ZNRF2: variants seen among roughly 807,000 people sequenced by gnomAD.
ZNRF2 encodes the protein zinc and ring finger 2, also known as E3 ubiquitin-protein ligase ZNRF2.
In ZNRF2, 16 loss-of-function variants were observed where a neutral mutation model predicts 20.4. That is an observed-to-expected ratio of 0.79 (90% CI 0.53 to 1.19). ZNRF2 has a LOEUF of 1.19. ZNRF2 is among the 50% of genes most tolerant of loss of function. The pLI, the probability that ZNRF2 is intolerant of heterozygous loss-of-function variation, is 0.00. For synonymous variants in ZNRF2, 178 were observed against 144.9 expected, an observed-to-expected ratio of 1.23 and a Z score of -1.64; for missense variants, 363 against 332.4, an observed-to-expected ratio of 1.09 and a Z score of -0.72.
At chr7:30,315,230 G>A (rs1799351271) in intron 1 of ZNRF2, among the ~76,000 whole-genome samples, 1 of 152,032 alleles carries the variant, frequency 6.6e-6, no homozygotes, top group Admixed American at 6.6e-5. Flanking sequence ...TTGGTGTTTT[G>A]TTTTGGTATT....
intron 2 of ZNRF2, among the ~76,000 whole-genome samples, chr7:30,348,454 C>A (rs989632912): frequency 7.2e-5 from 11 of 152,190 alleles, no homozygotes; most frequent in Admixed American, 4.6e-4. Context: ...ATAGAATTTA[C>A]CCTGTTTCTT....
At chr7:30,353,769 G>A (rs1799993448) in intron 2 of ZNRF2, among the ~76,000 whole-genome samples, 1 of 152,004 alleles carries the variant, frequency 6.6e-6, no homozygotes, top group African/African-American at 2.4e-5. Context: ...GGTATATAAA[G>A]CTAATGGTGC....
chr7:30,323,833 A>G (rs185387205), intron 2 of ZNRF2, 96 bp downstream of exon 2: 2 of 844,640 alleles, frequency 2.4e-6, no homozygotes, highest in Admixed American at 3.2e-5. Flanking sequence ...AGGGAAGGAC[A>G]TTGTTTTCTC....
Position 30,328,642 on chromosome 7 carries a change from A to T in ZNRF2, c.565+4905A>T, listed in dbSNP as rs138325962. On this transcript the variant is annotated intron_variant, in intron 2 of 4. Transcript: ENST00000323037. ...TAGAGTTTCAGACTCTTTGTCACAG[A>T]GATGATATTTGAAATATTGGTTTTT... Among the ~76,000 whole-genome samples, 7 of 152,324 alleles carry T rather than the reference A, an allele frequency of 4.6e-5. No homozygotes were observed. In the East Asian group the frequency reaches 1.4e-3, roughly 29 times the overall value.
chr7:30,299,940 C>T (rs140728307), intron 1 of ZNRF2, among the ~76,000 whole-genome samples: 92 of 150,440 alleles, frequency 6.1e-4, no homozygotes, highest in African/African-American at 2.0e-3. Flanking sequence ...CCACCACACC[C>T]GGCTAATTTT....
At chr7:30,354,627 T>C (rs141651822) in intron 2 of ZNRF2, among the ~76,000 whole-genome samples, 61 of 152,340 alleles carry the variant, frequency 4.0e-4, no homozygotes, top group African/African-American at 1.4e-3. Flanking sequence ...CTTTAGAAAA[T>C]GTCCCTGCCT....
intron 1 of ZNRF2, among the ~76,000 whole-genome samples, chr7:30,296,630 C>G (rs1799024289): frequency 6.6e-6 from 1 of 152,196 alleles, no homozygotes; most frequent in African/African-American, 2.4e-5. Context: ...AGCACTTCTT[C>G]AAAAACAGCA....
chr7:30,287,873 A>C (rs1403578559), intron 1 of ZNRF2, among the ~76,000 whole-genome samples: 3 of 152,152 alleles, frequency 2.0e-5, no homozygotes, highest in Non-Finnish European at 4.4e-5. Flanking sequence ...CACTGAAATA[A>C]TTTCCTGTGT....
chr7:30,303,772 C>T (rs1799155880), intron 1 of ZNRF2, among the ~76,000 whole-genome samples: 1 of 152,130 alleles, frequency 6.6e-6, no homozygotes, highest in South Asian at 2.1e-4. Context: ...TTTTGGGCCT[C>T]CCCCAGACTT....
intron 2 of ZNRF2, among the ~76,000 whole-genome samples, chr7:30,325,005 G>A (rs1047140762): frequency 9.2e-5 from 14 of 152,068 alleles, no homozygotes; most frequent in African/African-American, 2.7e-4. Flanking sequence ...GCTCTGGAGC[G>A]AACTGGTATT....
intron 4 of ZNRF2, among the ~76,000 whole-genome samples, chr7:30,365,031 C>T (rs998796426): frequency 1.3e-5 from 2 of 152,050 alleles, no homozygotes; most frequent in Non-Finnish European, 2.9e-5. Flanking sequence ...GGTCAGAGCC[C>T]TCATCACCTA....
chr7:30,340,075 T>C (rs936218449), intron 2 of ZNRF2, among the ~76,000 whole-genome samples: 2 of 152,190 alleles, frequency 1.3e-5, no homozygotes, highest in Non-Finnish European at 2.9e-5. Flanking sequence ...ATAGGAAAGC[T>C]TGTGATTTTT....
At chr7:30,300,694 G>C (rs1355452112) in intron 1 of ZNRF2, among the ~76,000 whole-genome samples, 1 of 152,180 alleles carries the variant, frequency 6.6e-6, no homozygotes, top group Non-Finnish European at 1.5e-5. Flanking sequence ...AACGTTCAGA[G>C]AGCTTTATTT....
intron 2 of ZNRF2, among the ~76,000 whole-genome samples, chr7:30,346,170 A>ATTTTGTTTTTTTTTTTTTTTTTTTTTTT (rs1799875196): frequency 4.2e-5 from 1 of 23,676 alleles, no homozygotes; most frequent in Non-Finnish European, 9.8e-5. Context: ...GTTAAGTCTG[A>ATTTTGTTTTTTTTTTTTTTTTTTTTTTT]TTTTTTTTTT....
intron 1 of ZNRF2, among the ~76,000 whole-genome samples, chr7:30,295,040 AGAGAGAGAGAGTGTGTGTGT>A (rs1285387204): frequency 4.3e-5 from 5 of 115,022 alleles, no homozygotes; most frequent in African/African-American, 1.2e-4. Flanking sequence ...AGAGAGAGAG[AGAGAGAGAGAGTGTGTGTGT>A]GTGTGTGTGT....
intron 2 of ZNRF2, among the ~76,000 whole-genome samples, chr7:30,349,320 A>G (rs1322874689): frequency 6.6e-6 from 1 of 152,150 alleles, no homozygotes; most frequent in Non-Finnish European, 1.5e-5. Context: ...TTATCTCCTA[A>G]GATCTTCACA....
In ZNRF2 at chr7:30,315,724, G is replaced by GGGC. The variant is rs1554294846; in HGVS notation, c.470-7915_470-7913dup. On this transcript the variant is annotated intron_variant, in intron 1 of 4. Transcript: ENST00000323037. ...TTGTCCCTAACTAAAGAAAAAGGTG[G>GGGC]GGCGGGGGGGGGGGGGTTGGGTATA... 3.6e-3 allele frequency among the ~76,000 whole-genome samples: 351 copies of GGGC among 96,462 alleles called. 8 individuals are homozygous for GGGC. Among genetic ancestry groups the GGGC allele is most frequent in the African/African-American group, 0.012 (325 of 28,260 alleles). The allele number at this position is 96,462 out of a possible 152,430, so 63.3% of individuals were successfully genotyped here. A position where few individuals can be genotyped will look rare whatever the true frequency, so the allele number is the denominator to read the frequency against.
intron 2 of ZNRF2, among the ~76,000 whole-genome samples, chr7:30,328,864 A>G (rs558350002): frequency 3.0e-4 from 45 of 152,296 alleles, no homozygotes; most frequent in Admixed American, 2.6e-3. Flanking sequence ...GGGTGGTATT[A>G]TCTATTGCAG....
In ZNRF2 at chr7:30,363,740, T is replaced by C. The variant is rs146919854; in HGVS notation, c.*22+1284T>C. On this transcript the variant is annotated intron_variant, in intron 4 of 4. Transcript: ENST00000323037. The stretch of plus-strand genomic sequence containing the variant: ...TTAGTGAATTGAATGCTGACCTCAA[T>C]TGGGTATTTTCATAGGGCTTTTTTT... Among the ~76,000 whole-genome samples the C allele has an allele frequency of 1.8e-3, 281 of 151,966 alleles. 1 individual carries two copies. The highest frequency in any genetic ancestry group is 6.5e-3 in the African/African-American group (270 of 41,246).
Sources: allele counts gnomAD v4.1 joint callset (sites outside exome capture counted in the v4.1 genomes callset), GRCh38; gene constraint gnomAD v4.1.1; transcripts MANE v1.5; gene names NCBI Gene and HGNC (gene_info 2026-07-23, HGNC 2026-07-21).